The following HS3ST4 variants were observed in gnomAD, a reference collection of about 807,000 sequenced individuals.
HS3ST4 encodes heparan sulfate-glucosamine 3-sulfotransferase 4, also known as heparan sulfate glucosamine 3-O-sulfotransferase 4.
Under a neutral mutation model 29.2 loss-of-function variants are expected in HS3ST4, and 17 were observed. That is an observed-to-expected ratio of 0.58 (90% CI 0.40 to 0.87). The LOEUF (loss-of-function observed/expected upper bound fraction) is 0.87, where lower values mean the gene tolerates loss of function less well. Among genes scored for constraint, HS3ST4 ranks in the 40% least tolerant of loss-of-function variants. The pLI is 0.00. For synonymous variants in HS3ST4, 314 were observed against 285.7 expected, an observed-to-expected ratio of 1.10 and a Z score of -1.00; for missense variants, 627 against 634.5, an observed-to-expected ratio of 0.99 and a Z score of 0.13.
intron 1 of HS3ST4, among the ~76,000 whole-genome samples, chr16:26,057,676 G>A (rs183879646): frequency 9.6e-4 from 146 of 152,292 alleles, no homozygotes; most frequent in South Asian, 3.5e-3. Context: ...CCTGGGAGGC[G>A]GAGGTTGCAG....
At chr16:26,074,556 A>G (rs1481238585) in intron 1 of HS3ST4, among the ~76,000 whole-genome samples, 1 of 152,202 alleles carries the variant, frequency 6.6e-6, no homozygotes, top group South Asian at 2.1e-4. Flanking sequence ...GGTACCAAAG[A>G]CAAAAGCCAA....
chr16:26,006,524 C>A (rs1969260750), intron 1 of HS3ST4, among the ~76,000 whole-genome samples: 1 of 151,834 alleles, frequency 6.6e-6, no homozygotes, highest in South Asian at 2.1e-4. Context: ...GAATGAGAGG[C>A]CAGAGTTTTG....
At chr16:25,719,965 C>A (rs566807069) in intron 1 of HS3ST4, among the ~76,000 whole-genome samples, 2 of 152,246 alleles carry the variant, frequency 1.3e-5, no homozygotes, top group East Asian at 3.9e-4. Flanking sequence ...AGTAAAGGTT[C>A]TTTCCGTGAG....
chr16:25,835,622 C>T (rs770014487), intron 1 of HS3ST4, among the ~76,000 whole-genome samples: 3 of 152,226 alleles, frequency 2.0e-5, no homozygotes, highest in South Asian at 2.1e-4. Flanking sequence ...GATGAGGAAA[C>T]GGAGGCATAG....
At chr16:25,950,899 C>A (rs1446081226) in intron 1 of HS3ST4, among the ~76,000 whole-genome samples, 3 of 152,156 alleles carry the variant, frequency 2.0e-5, no homozygotes, top group Non-Finnish European at 4.4e-5. Flanking sequence ...CTCCAGGACG[C>A]CAGCTTTGAT....
intron 1 of HS3ST4, among the ~76,000 whole-genome samples, chr16:25,755,851 G>T (rs980908854): frequency 3.9e-5 from 6 of 152,014 alleles, no homozygotes; most frequent in Admixed American, 2.0e-4. Flanking sequence ...CAAAATTGAT[G>T]CCGAGTATCA....
chr16:25,757,038 T>C (rs1394071063), intron 1 of HS3ST4, among the ~76,000 whole-genome samples: 1 of 152,236 alleles, frequency 6.6e-6, no homozygotes. Context: ...CCTGTGCCTA[T>C]GTTTATAGTT....
chr16:25,715,159 A>G (rs903451143), intron 1 of HS3ST4, among the ~76,000 whole-genome samples: 1 of 151,808 alleles, frequency 6.6e-6, no homozygotes, highest in African/African-American at 2.4e-5. Flanking sequence ...CGTCTCTACT[A>G]AAAATACAAA....
rs143813857 is a variant in HS3ST4, at chr16:25,881,917, C to T, written c.734+188766C>T. 3.0e-4 allele frequency among the ~76,000 whole-genome samples: 45 copies of T among 152,260 alleles called. 1 individual carries two copies. In the East Asian group the frequency reaches 6.9e-3, roughly 24 times the overall value. On this transcript the variant is annotated intron_variant, in intron 1 of 1. Transcript: ENST00000331351. ...TCAGATTCATAATCTGGATTCTAAT[C>T]ATTCTTTTTCAGGGACAGTATTGAT... is the stretch of plus-strand genomic sequence containing the variant.
chr16:26,137,384 G>A lies in HS3ST4; in HGVS notation c.*1136G>A, dbSNP rs1898298555. 1 of 152,152 alleles carries A rather than the reference G, an allele frequency of 6.6e-6. No homozygotes were observed. The highest frequency in any genetic ancestry group is 2.1e-4 in the South Asian group (1 of 4,808). 9.4% of individuals were successfully genotyped at this position (152,152 alleles called of 1,614,324 possible). On this transcript the variant is annotated 3_prime_UTR_variant, in exon 2 of 2. Transcript: ENST00000331351. ...TAGAGATGGCAGAGAGTGAGGTAGT[G>A]GCGAGAAAGCTGACTCCATTCATCA...
rs1371928058 is a variant in HS3ST4 at position 25,828,242 on chromosome 16, C to CTGTCTTTCTTTCTTTCTTTCTTTCTT, written c.734+135092_734+135093insGTCTTTCTTTCTTTCTTTCTTTCTTT. On this transcript the variant is annotated intron_variant, in intron 1 of 1. Coordinates refer to ENST00000331351, the MANE Select transcript of HS3ST4 (RefSeq NM_006040.3). ...CTTTCCTTTCTTTCTTTCTTTCTTT[C>CTGTCTTTCTTTCTTTCTTTCTTTCTT]TCTTTCTTTCTTTCTTTCTTTCTTT... is the stretch of plus-strand genomic sequence containing the variant. 5.3e-5 allele frequency among the ~76,000 whole-genome samples: 4 copies of CTGTCTTTCTTTCTTTCTTTCTTTCTT among 75,032 alleles called. 1 individual carries two copies. Among genetic ancestry groups the CTGTCTTTCTTTCTTTCTTTCTTTCTT allele is most frequent in the African/African-American group, 1.7e-4 (3 of 17,286 alleles). 49.2% of individuals were successfully genotyped at this position (75,032 alleles called of 152,430 possible). A position where few individuals can be genotyped will look rare whatever the true frequency, so the allele number is the denominator to read the frequency against.
chr16:25,777,597 A>G (rs538197530), intron 1 of HS3ST4, among the ~76,000 whole-genome samples: 1 of 152,122 alleles, frequency 6.6e-6, no homozygotes, highest in South Asian at 2.1e-4. Context: ...GGCGAAAAAC[A>G]TCTCTACTAA....
intron 1 of HS3ST4, among the ~76,000 whole-genome samples, chr16:26,042,834 A>T (rs1969647572): frequency 6.6e-6 from 1 of 152,164 alleles, no homozygotes; most frequent in Non-Finnish European, 1.5e-5. Flanking sequence ...GGAATGTTTT[A>T]AAATGCACAA....
At chr16:25,755,594 A>G (rs931435777) in intron 1 of HS3ST4, among the ~76,000 whole-genome samples, 2 of 152,202 alleles carry the variant, frequency 1.3e-5, no homozygotes, top group Non-Finnish European at 2.9e-5. Flanking sequence ...TTTGGCTTGC[A>G]GGTGTGCTTT....
At chr16:26,074,927 T>C (rs1219683431) in intron 1 of HS3ST4, among the ~76,000 whole-genome samples, 3 of 152,120 alleles carry the variant, frequency 2.0e-5, no homozygotes, top group African/African-American at 4.8e-5. Context: ...GCATGATGGC[T>C]CTCATGCCTG....
chr16:25,873,099 G>A (rs1967773120), intron 1 of HS3ST4, among the ~76,000 whole-genome samples: 1 of 152,014 alleles, frequency 6.6e-6, no homozygotes, highest in African/African-American at 2.4e-5. Flanking sequence ...AGTTCTAACT[G>A]TTCCCATGTA....
intron 1 of HS3ST4, among the ~76,000 whole-genome samples, chr16:26,078,902 A>G (rs1397909316): frequency 1.3e-5 from 2 of 151,918 alleles, no homozygotes; most frequent in African/African-American, 4.8e-5. Flanking sequence ...TTATGCCAGA[A>G]TGTGTTAATA....
chr16:26,046,821 T>C (rs1204736023), intron 1 of HS3ST4, among the ~76,000 whole-genome samples: 1 of 152,172 alleles, frequency 6.6e-6, no homozygotes, highest in East Asian at 1.9e-4. Flanking sequence ...ATCTGCACAG[T>C]AACCCTCTGA....
chr16:26,064,892 C>T (rs1898524779), intron 1 of HS3ST4, among the ~76,000 whole-genome samples: 1 of 152,168 alleles, frequency 6.6e-6, no homozygotes, highest in African/African-American at 2.4e-5. Flanking sequence ...GTTGGGATTA[C>T]AGGCATGAGC....
Sources: gnomAD v4.1 joint callset for allele counts (sites outside exome capture counted in the v4.1 genomes callset) on GRCh38, gnomAD v4.1.1 for gene constraint, MANE v1.5 for transcripts, NCBI Gene and HGNC (gene_info 2026-07-23, HGNC 2026-07-21) for gene names.